VTI1A: variants seen among roughly 807,000 people sequenced by gnomAD.
VTI1A encodes the protein vesicle transport through interaction with t-SNAREs 1A, also known as vesicle transport through interaction with t-SNAREs homolog 1A.
Under a neutral mutation model 34.9 loss-of-function variants are expected in VTI1A, and 22 were observed. The ratio of observed to expected loss-of-function variants is 0.63; its 90% CI spans 0.45 to 0.90. VTI1A has a LOEUF of 0.90. Among genes scored for constraint, VTI1A ranks in the 40% least tolerant of loss-of-function variants. VTI1A has a pLI of 0.00. For synonymous variants in VTI1A, 87 were observed against 97.3 expected (o/e 0.89, Z 0.62); for missense variants, 268 against 275.6 (o/e 0.97, Z 0.20).
chr10:112,528,895 C>G (rs1850333855), intron 4 of VTI1A, among the ~76,000 whole-genome samples: 1 of 152,018 alleles, frequency 6.6e-6, no homozygotes, highest in African/African-American at 2.4e-5. Context: ...GTTCACTTCT[C>G]TTAATGGACA....
intron 2 of VTI1A, among the ~76,000 whole-genome samples, chr10:112,461,130 A>G (rs1324851873): frequency 1.3e-5 from 2 of 152,234 alleles, no homozygotes; most frequent in Admixed American, 1.3e-4. Flanking sequence ...GGCTGGTTGC[A>G]TCAGTTCCTG....
chr10:112,450,854 G>A (rs1384352310), intron 1 of VTI1A: 1 of 152,108 alleles, frequency 6.6e-6, no homozygotes, highest in Non-Finnish European at 1.5e-5. Flanking sequence ...TAAGGAAAAG[G>A]GATGAGCAGA....
At chr10:112,633,122 G>T (rs887095330) in intron 5 of VTI1A, among the ~76,000 whole-genome samples, 12 of 152,146 alleles carry the variant, frequency 7.9e-5, no homozygotes, top group African/African-American at 1.4e-4. Context: ...GAGTTTGAGA[G>T]CAGCCTGACC....
At chr10:112,593,056 A>G (rs1382847571) in intron 5 of VTI1A, among the ~76,000 whole-genome samples, 1 of 152,262 alleles carries the variant, frequency 6.6e-6, no homozygotes, top group Non-Finnish European at 1.5e-5. Flanking sequence ...AGATGCAGTC[A>G]TCTTATACCA....
intron 7 of VTI1A, among the ~76,000 whole-genome samples, chr10:112,673,562 A>G (rs935558229): frequency 5.9e-5 from 9 of 152,204 alleles, no homozygotes; most frequent in Non-Finnish European, 1.3e-4. Context: ...TTATGCGTGG[A>G]GCTGCTAAGA....
intron 7 of VTI1A, among the ~76,000 whole-genome samples, chr10:112,768,617 T>G (rs900342769): frequency 6.6e-6 from 1 of 152,132 alleles, no homozygotes; most frequent in African/African-American, 2.4e-5. Flanking sequence ...GATTTCAGAT[T>G]AAGAGAAACC....
chr10:112,463,311 TC>T (rs571478055), intron 2 of VTI1A, among the ~76,000 whole-genome samples: 1,820 of 152,292 alleles, frequency 0.012, 11 homozygotes, highest in Non-Finnish European at 0.017. Flanking sequence ...TCACTTGCAA[TC>T]ATCGTTACTA....
At chr10:112,758,327 G>A (rs1018673518) in intron 7 of VTI1A, among the ~76,000 whole-genome samples, 11 of 151,998 alleles carry the variant, frequency 7.2e-5, no homozygotes, top group Non-Finnish European at 1.6e-4. Flanking sequence ...GCCAGCTCAG[G>A]CCTGGCAACC....
At chr10:112,535,233 C>G (rs1184597951) in intron 4 of VTI1A, among the ~76,000 whole-genome samples, 1 of 152,070 alleles carries the variant, frequency 6.6e-6, no homozygotes, top group Non-Finnish European at 1.5e-5. Context: ...GATTAATCAA[C>G]TAACAGAATA....
chr10:112,774,360 C>T (rs1851897703), intron 7 of VTI1A, among the ~76,000 whole-genome samples: 1 of 152,150 alleles, frequency 6.6e-6, no homozygotes, highest in South Asian at 2.1e-4. Flanking sequence ...GGTGGGAAAT[C>T]CATGACCTGG....
At chr10:112,620,489 TTAAC>T (rs1253139795) in intron 5 of VTI1A, among the ~76,000 whole-genome samples, 1 of 152,052 alleles carries the variant, frequency 6.6e-6, no homozygotes, top group African/African-American at 2.4e-5. Flanking sequence ...GGGCCAGTTT[TTAAC>T]TAGAAATTTT....
intron 5 of VTI1A, among the ~76,000 whole-genome samples, chr10:112,600,976 A>T (rs1362648465): frequency 6.6e-6 from 1 of 152,246 alleles, no homozygotes; most frequent in Non-Finnish European, 1.5e-5. Flanking sequence ...AATCTAGTAA[A>T]GAAGACAAAT....
intron 1 of VTI1A, among the ~76,000 whole-genome samples, chr10:112,447,822 A>G (rs779847931): frequency 1.3e-5 from 2 of 152,230 alleles, no homozygotes; most frequent in African/African-American, 2.4e-5. Flanking sequence ...TATGTAGCCT[A>G]TGGATCTACA....
intron 7 of VTI1A, among the ~76,000 whole-genome samples, chr10:112,717,936 T>C (rs1167435163): frequency 6.6e-6 from 1 of 152,152 alleles, no homozygotes; most frequent in Non-Finnish European, 1.5e-5. Flanking sequence ...TACCTAAAAA[T>C]TAATTTACTC....
At chr10:112,592,780 A>C (rs2134438677) in intron 5 of VTI1A, among the ~76,000 whole-genome samples, 1 of 152,350 alleles carries the variant, frequency 6.6e-6, no homozygotes, top group Admixed American at 6.5e-5. Flanking sequence ...ATGGCAAATA[A>C]AACTGGATGT....
At chr10:112,774,562 A>C (rs1288355953) in intron 7 of VTI1A, among the ~76,000 whole-genome samples, 1 of 152,130 alleles carries the variant, frequency 6.6e-6, no homozygotes, top group Non-Finnish European at 1.5e-5. Flanking sequence ...GAACAACTTT[A>C]TGTGAGCACA....
chr10:112,849,024 G>C, the VTI1A span, among the ~76,000 whole-genome samples: 632 of 152,326 alleles, frequency 4.1e-3, 4 homozygotes, highest in Non-Finnish European at 6.8e-3. Context: ...TGATGGTGGG[G>C]TGAGGCCAGC....
the VTI1A span, among the ~76,000 whole-genome samples, chr10:112,842,051 CTTTTTTTTTTTTT>C: frequency 1.1e-4 from 7 of 66,648 alleles, no homozygotes; most frequent in East Asian, 3.8e-4. Flanking sequence ...TTTTTTTTTC[CTTTTTTTTTTTTT>C]TTTTTTTTTT....
chr10:112,479,657 C>A (rs1046139649), intron 3 of VTI1A, among the ~76,000 whole-genome samples: 1 of 152,190 alleles, frequency 6.6e-6, no homozygotes, highest in Non-Finnish European at 1.5e-5. Flanking sequence ...TTTCACCCCC[C>A]ACCTTCCCGT....
Sources: allele counts gnomAD v4.1 joint callset (sites outside exome capture counted in the v4.1 genomes callset), GRCh38; gene constraint gnomAD v4.1.1; transcripts MANE v1.5; gene names NCBI Gene and HGNC (gene_info 2026-07-23, HGNC 2026-07-21).